Variants in TRAPPC9 observed in about 807,000 individuals in gnomAD.
TRAPPC9 encodes trafficking protein particle complex subunit 9, also known as IKK2 binding protein.
Under a neutral mutation model 124.0 loss-of-function variants are expected in TRAPPC9, and 83 were observed. The observed-to-expected ratio is 0.67, with a 90% CI of 0.56 to 0.80. The LOEUF is 0.80. Ranked by LOEUF, TRAPPC9 falls within the 30% of genes least tolerant of loss-of-function variation. The probability of loss-of-function intolerance (pLI) is 0.00; values close to 1 mark genes in which losing one functional copy is unlikely to be tolerated. For missense variants in TRAPPC9, 1,302 were observed against 1,508.3 expected (o/e 0.86, Z 2.27); for synonymous variants, 638 against 617.5 (o/e 1.03, Z -0.49).
At chr8:139,789,477 C>T (rs4736093) in intron 21 of TRAPPC9, among the ~76,000 whole-genome samples, 10,004 of 152,228 alleles carry the variant, frequency 0.066, 437 homozygotes, top group East Asian at 0.14. Flanking sequence ...TCATCCCCCC[C>T]CAGGATATCT....
intron 21 of TRAPPC9, among the ~76,000 whole-genome samples, chr8:139,763,526 T>C (rs1412898147): frequency 1.3e-5 from 2 of 150,302 alleles, no homozygotes; most frequent in Non-Finnish European, 3.0e-5. Context: ...TGCCAGGTTC[T>C]ACAAACAAAA....
In TRAPPC9 at chr8:139,937,936, G is replaced by A. The variant is rs149356381; in HGVS notation, c.2811-27636C>T. Among the ~76,000 whole-genome samples the A allele has an allele frequency of 3.8e-3, 583 of 152,256 alleles. 4 individuals carry two copies. The highest frequency in any genetic ancestry group is 0.013 in the African/African-American group (551 of 41,524). Reference sequence around the variant, plus strand: ...GGTGAAATGCATTACCAGATGCACAGAGACACCTCCTCAGTGGCCCTGAGT... The same window carrying A: ...GGTGAAATGCATTACCAGATGCACAAAGACACCTCCTCAGTGGCCCTGAGT... On this transcript the variant is annotated intron_variant, in intron 19 of 22. Coordinates refer to ENST00000438773, the MANE Select transcript of TRAPPC9 (RefSeq NM_001160372.4).
chr8:139,947,724 C>A, intron 19 of TRAPPC9, among the ~76,000 whole-genome samples: 1 of 150,636 alleles, frequency 6.6e-6, no homozygotes, highest in Non-Finnish European at 1.5e-5. Context: ...AAAAATTAGC[C>A]GGTCATGGTG....
At chr8:140,120,304 C>T (rs1416372747) in intron 17 of TRAPPC9, among the ~76,000 whole-genome samples, 1 of 152,210 alleles carries the variant, frequency 6.6e-6, no homozygotes, top group Non-Finnish European at 1.5e-5. Flanking sequence ...GAGCCAGCAC[C>T]AAGCTGAAAT....
intron 11 of TRAPPC9, among the ~76,000 whole-genome samples, chr8:140,295,164 T>C (rs193076230): frequency 7.9e-5 from 12 of 152,306 alleles, no homozygotes; most frequent in Admixed American, 7.8e-4. Flanking sequence ...TCTGCTAAAC[T>C]GTATGGACCC....
At chr8:140,412,979 G>C (rs1221757032) in intron 5 of TRAPPC9, among the ~76,000 whole-genome samples, 1 of 152,136 alleles carries the variant, frequency 6.6e-6, no homozygotes, top group Non-Finnish European at 1.5e-5. Flanking sequence ...AAGGACATAG[G>C]CCATGAGCAG....
rs188220747 is a variant in TRAPPC9, at chr8:140,045,392, G to A, written c.2557-21313C>T. Among the ~76,000 whole-genome samples, 9 of 152,196 alleles carry A rather than the reference G, an allele frequency of 5.9e-5. No homozygotes were observed. The East Asian group carries it at 1.6e-3, about 26-fold the overall frequency. On this transcript the variant is annotated intron_variant, in intron 17 of 22. Coordinates refer to ENST00000438773, the MANE Select transcript of TRAPPC9 (RefSeq NM_001160372.4). Reference sequence around the variant, plus strand: ...TGTAATCCCAGCACTTTGGGAGACCGAGGCGGGTGGATCACCTGAGGTCAG... The same window carrying A: ...TGTAATCCCAGCACTTTGGGAGACCAAGGCGGGTGGATCACCTGAGGTCAG...
chr8:140,051,165 A>G (rs1001906306), intron 17 of TRAPPC9, among the ~76,000 whole-genome samples: 1 of 151,722 alleles, frequency 6.6e-6, no homozygotes, highest in African/African-American at 2.4e-5. Flanking sequence ...ATTCCTGCAC[A>G]CTCCTCCCTC....
At chr8:139,953,665 C>T (rs1834803626) in intron 19 of TRAPPC9, among the ~76,000 whole-genome samples, 2 of 152,146 alleles carry the variant, frequency 1.3e-5, no homozygotes, top group Admixed American at 6.5e-5. Flanking sequence ...ATCTGATTAA[C>T]AGCCTGTATC....
chr8:140,071,024 C>T (rs1563737682), intron 17 of TRAPPC9, among the ~76,000 whole-genome samples: 1 of 152,222 alleles, frequency 6.6e-6, no homozygotes, highest in Non-Finnish European at 1.5e-5. Context: ...TGCGTGCGAT[C>T]GTTCTAGCAT....
chr8:139,940,562 C>T (rs987456188), intron 19 of TRAPPC9, among the ~76,000 whole-genome samples: 2 of 152,212 alleles, frequency 1.3e-5, no homozygotes, highest in Non-Finnish European at 2.9e-5. Flanking sequence ...AGCGGCAGCC[C>T]CAGACTCAGC....
intron 9 of TRAPPC9, among the ~76,000 whole-genome samples, chr8:140,323,157 A>G (rs757939227): frequency 1.3e-4 from 20 of 152,172 alleles, no homozygotes; most frequent in Non-Finnish European, 1.6e-4. Flanking sequence ...ATAAAAACCC[A>G]GAAAGACAGG....
rs1216419318 is a variant in TRAPPC9 at position 139,776,069 on chromosome 8, G to C, written c.3056-43867C>G. ...CTCACCAGGCACCTTCAGAGGTCTT[G>C]AGCAATAGCCACCAACCCTGACCAA... On this transcript the variant is annotated intron_variant, in intron 21 of 22. Transcript: ENST00000438773. This position sits in a 1 kb window ranked among gnomAD's most constrained non-coding sequence, Gnocchi z 4.1. Among the ~76,000 whole-genome samples the C allele has an allele frequency of 1.3e-5, 2 of 152,164 alleles. No homozygotes were observed. Among genetic ancestry groups the C allele is most frequent in the African/African-American group, 4.8e-5 (2 of 41,440 alleles).
intron 9 of TRAPPC9, among the ~76,000 whole-genome samples, chr8:140,321,700 C>T (rs574770750): frequency 2.2e-4 from 34 of 152,252 alleles, no homozygotes; most frequent in Admixed American, 1.4e-3. Context: ...GTGGGTGCAA[C>T]AGAGTAGACT....
intron 17 of TRAPPC9, among the ~76,000 whole-genome samples, chr8:140,112,266 G>A (rs113154602): frequency 5.3e-5 from 8 of 151,778 alleles, no homozygotes; most frequent in East Asian, 1.9e-4. Context: ...GGACAGGTGC[G>A]AGGAGAGTAA....
At chr8:139,969,171 C>T (rs924169776) in intron 19 of TRAPPC9, among the ~76,000 whole-genome samples, 10 of 152,236 alleles carry the variant, frequency 6.6e-5, no homozygotes, top group Admixed American at 2.6e-4. Flanking sequence ...TGGGCAAATG[C>T]CCGTTCTTAT....
At position 140,457,713 on chromosome 8, in the gene TRAPPC9, A is replaced by G. The variant is rs531557208; in HGVS notation, c.-85T>C. 7.9e-5 allele frequency: 78 copies of G among 988,434 alleles called. No homozygotes were observed. In the East Asian group the frequency reaches 8.2e-3, roughly 104 times the overall value. The allele number at this position is 988,434 out of a possible 1,614,324, so 61.2% of individuals were successfully genotyped here. A position where few individuals can be genotyped will look rare whatever the true frequency, so the allele number is the denominator to read the frequency against. On this transcript the variant is annotated 5_prime_UTR_variant, in exon 1 of 23. Transcript: ENST00000438773. ...GCGGGGCCGAGCAGCCTCTGCGGCC[A>G]CTTCCCAGGCTCTGGGCTGGCGCTT... is the stretch of plus-strand genomic sequence containing the variant.
At chr8:140,282,211 A>T (rs1300727353) in intron 14 of TRAPPC9, among the ~76,000 whole-genome samples, 1 of 152,198 alleles carries the variant, frequency 6.6e-6, no homozygotes, top group East Asian at 1.9e-4. Context: ...AAGTGCAAAA[A>T]TTAAGAACAG....
At chr8:140,170,915 G>T (rs1008101851) in intron 17 of TRAPPC9, among the ~76,000 whole-genome samples, 3 of 152,208 alleles carry the variant, frequency 2.0e-5, no homozygotes, top group Non-Finnish European at 4.4e-5. Context: ...GGGTCGTGAA[G>T]AGGTGGGTCA....
Sources: allele counts gnomAD v4.1 joint callset (sites outside exome capture counted in the v4.1 genomes callset), GRCh38; gene constraint gnomAD v4.1.1; non-coding constraint Gnocchi (gnomAD v3.1); transcripts MANE v1.5; gene names NCBI Gene and HGNC (gene_info 2026-07-23, HGNC 2026-07-21).